Variants in LARP4B observed in about 807,000 individuals in gnomAD.
LARP4B encodes La ribonucleoprotein 4B.
In LARP4B, 12 loss-of-function variants were observed where a neutral mutation model predicts 89.8. The ratio of observed to expected loss-of-function variants is 0.13; its 90% CI spans 0.09 to 0.22. The LOEUF is 0.22. Ranked by LOEUF, LARP4B falls within the 10% of genes least tolerant of loss-of-function variation. The pLI is 1.00. For synonymous variants in LARP4B, 367 were observed against 363.3 expected, an observed-to-expected ratio of 1.01 and a Z score of -0.12; for missense variants, 757 against 947.7, an observed-to-expected ratio of 0.80 and a Z score of 2.64.
chr10:815,794 T>G (rs1832016743), intron 15 of LARP4B: 1 of 152,232 alleles, frequency 6.6e-6, no homozygotes, highest in Non-Finnish European at 1.5e-5. Context: ...ACTTCTGCCC[T>G]TAGATGAAGG....
the LARP4B span, among the ~76,000 whole-genome samples, chr10:938,293 C>T: frequency 6.6e-6 from 1 of 150,854 alleles, no homozygotes; most frequent in Admixed American, 6.6e-5. Context: ...CTCTGTCACC[C>T]AGGCTGGAGT....
In LARP4B at chr10:843,038, T is replaced by C. The variant is rs1337549129; in HGVS notation, c.540A>G (p.Ile180Met). ...RENLASDMYL[I>M]SQMDSDQYVP... The stretch of plus-strand genomic sequence containing the variant: ...CATACTGGTCACTATCCATCTGTGA[T>C]ATAAGATACATGTCACTAGCAAGGT... The change falls in exon 7 of 18, where the codon ATA (isoleucine) becomes ATG (methionine). Residue 180 changes from isoleucine to methionine, a missense_variant. Coordinates refer to ENST00000316157, the MANE Select transcript of LARP4B (RefSeq NM_015155.3). 3.7e-6 allele frequency: 6 copies of C among 1,613,860 alleles called. No homozygotes were observed. The highest frequency in any genetic ancestry group is 5.1e-6 in the Non-Finnish European group (6 of 1,179,696).
At chr10:831,434 C>T (rs771853833) in intron 8 of LARP4B, among the ~76,000 whole-genome samples, 4 of 152,148 alleles carry the variant, frequency 2.6e-5, no homozygotes, top group South Asian at 2.1e-4. Context: ...TGAACCCCAG[C>T]GTGAACACGA....
intron 8 of LARP4B, among the ~76,000 whole-genome samples, chr10:834,162 T>C (rs911068317): frequency 6.6e-6 from 1 of 152,172 alleles, no homozygotes; most frequent in Non-Finnish European, 1.5e-5. Flanking sequence ...CAAAAGGAAT[T>C]TGACAACCAA....
the LARP4B span, among the ~76,000 whole-genome samples, chr10:944,523 T>C: frequency 6.6e-6 from 1 of 152,222 alleles, no homozygotes; most frequent in African/African-American, 2.4e-5. Context: ...GTTGCAATGC[T>C]GCTGTAGGTA....
chr10:857,412 T>C lies in LARP4B; in HGVS notation c.430+6331A>G, dbSNP rs543649346. Among the ~76,000 whole-genome samples the C allele has an allele frequency of 6.6e-5, 10 of 152,280 alleles. No homozygotes were observed. The East Asian group carries it at 1.7e-3, about 26-fold the overall frequency. The stretch of plus-strand genomic sequence containing the variant: ...GAGACTGGACATGGATGAGGATCTA[T>C]CAACAGAAACCTCTGCTGGCACTCA... On this transcript the variant is annotated intron_variant, in intron 5 of 17. Coordinates refer to ENST00000316157, the MANE Select transcript of LARP4B (RefSeq NM_015155.3).
At chr10:976,933 C>T in the LARP4B span, among the ~76,000 whole-genome samples, 8 of 150,640 alleles carry the variant, frequency 5.3e-5, no homozygotes, top group African/African-American at 7.3e-5. Flanking sequence ...ATGTGCAGCC[C>T]GGCCTAGTAG....
intron 3 of LARP4B, chr10:869,929 A>G (rs1241769937): frequency 1.1e-5 from 2 of 178,894 alleles, no homozygotes; most frequent in Non-Finnish European, 2.1e-5. Flanking sequence ...TAATAATAAT[A>G]ATAATAATAA....
chr10:875,353 C>G (rs1291552319), intron 3 of LARP4B, among the ~76,000 whole-genome samples: 1 of 152,182 alleles, frequency 6.6e-6, no homozygotes, highest in Non-Finnish European at 1.5e-5. Flanking sequence ...AATAGAATCT[C>G]AGAGTCCCAC....
the LARP4B span, chr10:972,059 T>C: frequency 1.3e-5 from 2 of 159,206 alleles, no homozygotes; most frequent in Non-Finnish European, 2.8e-5. Context: ...AGTTTTGCAA[T>C]TGTTGCCCAG....
In LARP4B at chr10:885,727, C is replaced by T. The variant is rs747706914; in HGVS notation, c.-6G>A. The T allele has an allele frequency of 1.9e-6, 3 of 1,612,920 alleles. No individual in the cohort carries two copies. The stretch of plus-strand genomic sequence containing the variant: ...GCGTCCTGATCAGAAGTCATGGGCT[C>T]CACTGGGAGAAGTGTAATGCTAACC... On this transcript the variant is annotated 5_prime_UTR_variant, in exon 2 of 18. Transcript: ENST00000316157.
chr10:864,169 A>G lies in LARP4B; in HGVS notation c.243T>C (p.Ala81=). ...GGTGGCCAGCCACCTCCTCCCATGC[A>G]GCACTCACACCGTCAGCAGCACTGC... ...EASSAADGVS[A]AWEEVAGHHA... The change falls in exon 4 of 18, where the codon GCT becomes GCC. Residue 81 remains alanine (A), a synonymous_variant. Transcript: ENST00000316157. The G allele has an allele frequency of 6.2e-7, 1 of 1,614,242 alleles. No individual in the cohort carries two copies. Among genetic ancestry groups the G allele is most frequent in the Non-Finnish European group, 8.5e-7 (1 of 1,180,046 alleles).
intron 14 of LARP4B, chr10:819,085 T>A (rs549029346): frequency 1.3e-5 from 2 of 152,246 alleles, no homozygotes; most frequent in African/African-American, 4.8e-5. Context: ...GGCTGTTGTA[T>A]GCTCTCTGTA....
At chr10:894,351 T>C (rs1447249789) in intron 1 of LARP4B, among the ~76,000 whole-genome samples, 2 of 152,208 alleles carry the variant, frequency 1.3e-5, no homozygotes, top group Admixed American at 1.3e-4. Context: ...AAAGCCATCA[T>C]CTAAATCCAA....
intron 1 of LARP4B, among the ~76,000 whole-genome samples, chr10:912,797 G>A (rs1588984929): frequency 6.6e-6 from 1 of 151,688 alleles, no homozygotes; most frequent in African/African-American, 2.4e-5. Context: ...GGCATCACTT[G>A]AGCCTGGGAG....
chr10:922,670 G>A (rs1353376665), intron 1 of LARP4B, among the ~76,000 whole-genome samples: 5 of 141,530 alleles, frequency 3.5e-5, no homozygotes, highest in Admixed American at 7.4e-5. Flanking sequence ...ACGAGACCCC[G>A]TCTGTTAAAT....
In LARP4B at chr10:869,658, G is replaced by A. The variant is rs541192067; in HGVS notation, c.142-5388C>T. On this transcript the variant is annotated intron_variant, in intron 3 of 17. Transcript: ENST00000316157. ...TGCCAGCACTTTGGGAGGCTGAGGC[G>A]GGTGGATCTCCTGAGGTCAGGAGTT... 4.6e-5 allele frequency among the ~76,000 whole-genome samples: 7 copies of A among 152,116 alleles called. No homozygotes were observed. In the South Asian group the frequency reaches 8.3e-4, roughly 18 times the overall value.
In LARP4B at chr10:899,233, T is replaced by C. The variant is rs192455300; in HGVS notation, c.-39-13473A>G. ...TGATAATATTAAATACATTGTACCT[T>C]ACACGGGGATCTTCAAGTATATTGA... On this transcript the variant is annotated intron_variant, in intron 1 of 17. Transcript: ENST00000316157. Among the ~76,000 whole-genome samples the C allele has an allele frequency of 2.6e-5, 4 of 152,376 alleles. No individual in the cohort carries two copies. In the East Asian group the frequency reaches 7.7e-4, roughly 29 times the overall value.
At chr10:962,096 C>A in the LARP4B span, among the ~76,000 whole-genome samples, 1 of 152,128 alleles carries the variant, frequency 6.6e-6, no homozygotes, top group Non-Finnish European at 1.5e-5. Flanking sequence ...AGTTCGAGAC[C>A]AGCCTGGCCA....
Sources: allele counts gnomAD v4.1 joint callset (sites outside exome capture counted in the v4.1 genomes callset), GRCh38; gene constraint gnomAD v4.1.1; transcripts MANE v1.5; gene names NCBI Gene and HGNC (gene_info 2026-07-23, HGNC 2026-07-21).